EBF2: variants seen among roughly 807,000 people sequenced by gnomAD.
The protein encoded by EBF2 is transcription factor COE2.
A neutral mutation model predicts 72.8 loss-of-function variants in EBF2; 21 were observed. The ratio of observed to expected loss-of-function variants is 0.29; its 90% confidence interval spans 0.20 to 0.42. The LOEUF is 0.42. EBF2 is among the 10% of genes least tolerant of loss of function. EBF2 has a pLI of 1.00. For missense variants in EBF2, 637 were observed against 731.2 expected (o/e 0.87, Z 1.49); for synonymous variants, 299 against 274.2 (o/e 1.09, Z -0.89).
chr8:25,882,432 ACC>A (rs1802619407), intron 10 of EBF2, among the ~76,000 whole-genome samples: 1 of 152,220 alleles, frequency 6.6e-6, no homozygotes, highest in East Asian at 1.9e-4. Context: ...ACCTGGCTGT[ACC>A]AGCTTGTGAA....
At chr8:25,889,898 G>A in intron 7 of EBF2, 29 bp from the exon 8 acceptor site, 1 of 1,582,126 alleles carries the variant, frequency 6.3e-7, no homozygotes, top group Non-Finnish European at 8.7e-7. Context: ...AAGGAGAAAG[G>A]GGGTGCAGTG....
intron 6 of EBF2, among the ~76,000 whole-genome samples, chr8:25,942,235 C>G (rs1449212564): frequency 6.6e-6 from 1 of 152,230 alleles, no homozygotes; most frequent in Non-Finnish European, 1.5e-5. Context: ...CTCCAGCAAC[C>G]TGTATTCTTT....
Position 25,861,116 on chromosome 8 carries a change from C to T in EBF2, c.1275G>A (p.Met425Ile), listed in dbSNP as rs776948262. 3 of 1,614,152 alleles carry T rather than the reference C, an allele frequency of 1.9e-6. No homozygotes were observed. The highest frequency in any genetic ancestry group is 1.7e-6 in the Non-Finnish European group (2 of 1,180,014). ...LSSSPAHSGM[M>I]GINSYGSQLG... ...GCTGGCTGCCATAGGAGTTGATTCC[C>T]ATCATGCCACTGTGCGCTGGGGAGC... The change falls in exon 13 of 16, where the codon ATG becomes ATA. Residue 425 changes from methionine to isoleucine, a missense_variant. This residue lies in a region of EBF2 where 259 missense variants were observed against 268.1 expected (regional missense o/e 0.97). Transcript: ENST00000520164.
At chr8:26,039,972 CG>C in intron 5 of EBF2, 55 bp downstream of exon 5, 2 of 1,585,946 alleles carry the variant, frequency 1.3e-6, no homozygotes, top group South Asian at 1.1e-5. Context: ...CGCGCCAAGG[CG>C]GGGCTGGAGC....
intron 15 of EBF2, among the ~76,000 whole-genome samples, chr8:25,849,872 G>A (rs901322357): frequency 6.6e-6 from 1 of 152,172 alleles, no homozygotes; most frequent in Non-Finnish European, 1.5e-5. Flanking sequence ...CTTGTTGGTT[G>A]CTCCTGCTGG....
rs941438148 is a variant in EBF2 at position 25,847,962 on chromosome 8, A to T, written c.1696+2632T>A. Among the ~76,000 whole-genome samples the T allele has an allele frequency of 2.6e-5, 4 of 152,160 alleles. No individual in the cohort carries two copies. The East Asian group carries it at 5.8e-4, about 22-fold the overall frequency. On this transcript the variant is annotated intron_variant, in intron 15 of 15. Coordinates refer to ENST00000520164, the MANE Select transcript of EBF2 (RefSeq NM_022659.4). ...AACTCGTGCGCCGAAATCTCAAATCACCACTAGAGAACTTATCCATGTAAT... is the reference window on the plus strand; with the variant it reads ...AACTCGTGCGCCGAAATCTCAAATCTCCACTAGAGAACTTATCCATGTAAT...
At chr8:25,896,248 C>T (rs1802862723) in intron 7 of EBF2, among the ~76,000 whole-genome samples, 4 of 152,220 alleles carry the variant, frequency 2.6e-5, no homozygotes. Flanking sequence ...GGGCCAGAGT[C>T]TTTGCTTTGA....
At chr8:26,037,485 A>G (rs755735627) in intron 5 of EBF2, among the ~76,000 whole-genome samples, 8 of 152,214 alleles carry the variant, frequency 5.3e-5, no homozygotes, top group Non-Finnish European at 1.2e-4. Context: ...CTGCGATTGC[A>G]TAACAAAAGT....
chr8:26,017,998 G>T (rs1234626557), intron 6 of EBF2, among the ~76,000 whole-genome samples: 1 of 151,754 alleles, frequency 6.6e-6, no homozygotes, highest in African/African-American at 2.4e-5. Flanking sequence ...GGTTCTGTTT[G>T]TTAACGATAA....
chr8:25,974,038 A>G (rs1804230001), intron 6 of EBF2, among the ~76,000 whole-genome samples: 2 of 152,204 alleles, frequency 1.3e-5, no homozygotes, highest in African/African-American at 4.8e-5. Context: ...AGAAAATGTG[A>G]GGTCTGAGCA....
At chr8:25,943,022 A>C (rs996199505) in intron 6 of EBF2, among the ~76,000 whole-genome samples, 8 of 152,160 alleles carry the variant, frequency 5.3e-5, no homozygotes, top group Non-Finnish European at 8.8e-5. Flanking sequence ...TCTAATGCGA[A>C]AGTTCCCAGG....
At chr8:25,951,693 C>T (rs745444538) in intron 6 of EBF2, among the ~76,000 whole-genome samples, 12 of 152,096 alleles carry the variant, frequency 7.9e-5, no homozygotes, top group Middle Eastern at 3.2e-3. Flanking sequence ...TTGTTAAATT[C>T]TACCAAGGAA....
intron 5 of EBF2, among the ~76,000 whole-genome samples, chr8:26,034,440 T>A (rs897034002): frequency 1.3e-5 from 2 of 152,122 alleles, no homozygotes; most frequent in African/African-American, 4.8e-5. Flanking sequence ...GAGAGGGAGA[T>A]AAAGAAGATC....
At chr8:26,009,775 G>T (rs943964138) in intron 6 of EBF2, among the ~76,000 whole-genome samples, 3 of 152,200 alleles carry the variant, frequency 2.0e-5, no homozygotes, top group African/African-American at 4.8e-5. Flanking sequence ...AAACTGTTTT[G>T]CAGGGAAACA....
intron 6 of EBF2, among the ~76,000 whole-genome samples, chr8:26,013,149 C>T (rs1585227647): frequency 6.6e-6 from 1 of 152,312 alleles, no homozygotes; most frequent in South Asian, 2.1e-4. Context: ...ATCCAAAGGA[C>T]GTCTGACCCC....
intron 6 of EBF2, among the ~76,000 whole-genome samples, chr8:26,017,594 T>A (rs1805131875): frequency 6.6e-6 from 1 of 152,078 alleles, no homozygotes; most frequent in African/African-American, 2.4e-5. Flanking sequence ...TCATCCTTTT[T>A]ATAGTCCGCT....
chr8:25,904,891 C>T (rs746717494), intron 7 of EBF2, among the ~76,000 whole-genome samples: 5 of 152,058 alleles, frequency 3.3e-5, no homozygotes, highest in Non-Finnish European at 7.4e-5. Flanking sequence ...AGGACACTAT[C>T]AAGAAAGTGA....
At chr8:25,929,855 A>G (rs546755685) in intron 6 of EBF2, among the ~76,000 whole-genome samples, 19 of 152,266 alleles carry the variant, frequency 1.2e-4, no homozygotes, top group African/African-American at 4.6e-4. Flanking sequence ...AGAAAGGGCT[A>G]AGGTTTACAC....
intron 6 of EBF2, among the ~76,000 whole-genome samples, chr8:25,940,200 A>T (rs1803646311): frequency 6.6e-6 from 1 of 152,226 alleles, no homozygotes; most frequent in Non-Finnish European, 1.5e-5. Context: ...TACTAAAGCT[A>T]GTGGCAGAAC....
Sources: gnomAD v4.1 joint callset for allele counts (sites outside exome capture counted in the v4.1 genomes callset) on GRCh38, gnomAD v4.1.1 for gene constraint, gnomAD v4.1.1 regional missense constraint, MANE v1.5 for transcripts, NCBI Gene and HGNC (gene_info 2026-07-23, HGNC 2026-07-21) for gene names.